The following SBF2 variants were observed in gnomAD, a reference collection of about 807,000 sequenced individuals.
The protein encoded by SBF2 is myotubularin-related protein 13.
SBF2 carries 112 observed loss-of-function variants against 225.2 expected under a neutral mutation model. The observed-to-expected ratio is 0.50, with a 90% CI of 0.43 to 0.58. The LOEUF is 0.58. Among genes scored for constraint, SBF2 ranks in the 20% least tolerant of loss-of-function variants. The pLI, the probability that SBF2 is intolerant of heterozygous loss-of-function variation, is 0.00. For missense variants in SBF2, 1,996 were observed against 2,206.2 expected (o/e 0.90, Z 1.91); for synonymous variants, 763 against 773.3 (o/e 0.99, Z 0.22).
chr11:10,172,012 T>G (rs1956213241), intron 2 of SBF2, among the ~76,000 whole-genome samples: 1 of 152,146 alleles, frequency 6.6e-6, no homozygotes, highest in African/African-American at 2.4e-5. Flanking sequence ...ATCTCTGGTT[T>G]TATTTATTTG....
chr11:10,020,623 C>T (rs1263516992), intron 6 of SBF2, among the ~76,000 whole-genome samples: 1 of 152,130 alleles, frequency 6.6e-6, no homozygotes, highest in Non-Finnish European at 1.5e-5. Context: ...CCTTAGGCCC[C>T]TTGGCTGAAT....
At chr11:9,994,944 G>C (rs1590706646) in intron 9 of SBF2, among the ~76,000 whole-genome samples, 1 of 151,806 alleles carries the variant, frequency 6.6e-6, no homozygotes, top group East Asian at 1.9e-4. Context: ...GTCTGAGGCA[G>C]GAGAATAGCT....
intron 2 of SBF2, among the ~76,000 whole-genome samples, chr11:10,098,720 C>CACAT (rs144970897): frequency 0.014 from 1,988 of 140,346 alleles, 55 homozygotes; most frequent in African/African-American, 0.037. Flanking sequence ...CACACACACA[C>CACAT]GAAATTCTGG....
chr11:9,782,874 GAAAA>G (rs56057774), intron 38 of SBF2, among the ~76,000 whole-genome samples: 1 of 114,812 alleles, frequency 8.7e-6, no homozygotes, highest in South Asian at 2.6e-4. Context: ...TGTCTCAAAA[GAAAA>G]AAAAAAAAAA....
rs1054702810 is a variant in SBF2, at chr11:10,152,929, G to GA, written c.141+40972dup. On this transcript the variant is annotated intron_variant, in intron 2 of 39. Transcript: ENST00000256190. ...AAAATCCGTAATACATTTTCTGGGGGAAAAAAAGCCAATAAAACATGGCTG... is the reference window on the plus strand; with the variant it reads ...AAAATCCGTAATACATTTTCTGGGGGAAAAAAAAGCCAATAAAACATGGCTG... Among the ~76,000 whole-genome samples the GA allele has an allele frequency of 5.9e-5, 9 of 152,224 alleles. No individual in the cohort carries two copies. The South Asian group carries it at 1.9e-3, about 32-fold the overall frequency.
At chr11:9,949,808 G>A (rs1272483959) in intron 16 of SBF2, among the ~76,000 whole-genome samples, 1 of 151,730 alleles carries the variant, frequency 6.6e-6, no homozygotes, top group African/African-American at 2.4e-5. Flanking sequence ...ACTGACAAAA[G>A]ACAAAAACAA....
Position 9,992,119 on chromosome 11 carries a change from T to C in SBF2, c.1296+296A>G, listed in dbSNP as rs182844619. On this transcript the variant is annotated intron_variant, in intron 12 of 39. Transcript: ENST00000256190. ...TTTTCGGTTACATGGATGAATTACA[T>C]AGTGGCGAATTCTGAGATTTTAGTG... is the stretch of plus-strand genomic sequence containing the variant. Among the ~76,000 whole-genome samples, 999 of 152,224 alleles carry C rather than the reference T, an allele frequency of 6.6e-3. 5 individuals are homozygous for C. Among genetic ancestry groups the C allele is most frequent in the Non-Finnish European group, 0.01 (705 of 67,976 alleles).
At chr11:9,829,858 A>G (rs1228282856) in intron 27 of SBF2, among the ~76,000 whole-genome samples, 1 of 152,170 alleles carries the variant, frequency 6.6e-6, no homozygotes, top group Non-Finnish European at 1.5e-5. Context: ...ATGAACAACA[A>G]CGCCTTGATG....
chr11:10,088,662 T>TA (rs1951668488), intron 2 of SBF2, among the ~76,000 whole-genome samples: 1 of 152,108 alleles, frequency 6.6e-6, no homozygotes, highest in East Asian at 1.9e-4. Flanking sequence ...TGCTGGAACT[T>TA]AAAGAGTGAG....
At chr11:9,925,532 T>A (rs1220404971) in intron 16 of SBF2, among the ~76,000 whole-genome samples, 1 of 152,176 alleles carries the variant, frequency 6.6e-6, no homozygotes, top group East Asian at 1.9e-4. Context: ...CACCTGGGCC[T>A]CCCAAAGCGC....
At chr11:10,097,833 G>A (rs190540802) in intron 2 of SBF2, among the ~76,000 whole-genome samples, 2 of 152,232 alleles carry the variant, frequency 1.3e-5, no homozygotes, top group East Asian at 3.9e-4. Context: ...TCTCACAAAG[G>A]AAAGTAAAAG....
intron 1 of SBF2, among the ~76,000 whole-genome samples, chr11:10,197,844 TTTTC>T (rs774161266): frequency 6.6e-6 from 1 of 152,214 alleles, no homozygotes; most frequent in Non-Finnish European, 1.5e-5. Flanking sequence ...CAAGAAACCA[TTTTC>T]TTTGTTTATC....
chr11:9,963,423 T>C (rs7936351), intron 15 of SBF2, among the ~76,000 whole-genome samples: 77,920 of 152,022 alleles, frequency 0.51, 20,477 homozygotes, highest in Admixed American at 0.61. Flanking sequence ...CAAGATCATG[T>C]CACTGTACTC....
intron 2 of SBF2, among the ~76,000 whole-genome samples, chr11:10,174,583 C>T (rs1052474725): frequency 1.2e-4 from 18 of 152,190 alleles, no homozygotes; most frequent in Admixed American, 1.1e-3. Flanking sequence ...TTGGAAAACA[C>T]TCTGCAGGAT....
chr11:10,152,487 T>C (rs1454141455), intron 2 of SBF2, among the ~76,000 whole-genome samples: 1 of 151,592 alleles, frequency 6.6e-6, no homozygotes, highest in East Asian at 1.9e-4. Flanking sequence ...GGGCGGAGGT[T>C]GCAGTGAGCT....
intron 16 of SBF2, among the ~76,000 whole-genome samples, chr11:9,922,211 C>T (rs1046835578): frequency 5.3e-5 from 8 of 151,696 alleles, no homozygotes; most frequent in African/African-American, 1.2e-4. Flanking sequence ...GATCATGACA[C>T]GGTACTCCAG....
rs1248261907 is a variant in SBF2 at position 10,272,209 on chromosome 11, G to T, written c.55+21806C>A. ...TCCTCTCCACGCCAGCCTCCAACTT[G>T]AGCTGCTCTACCAAGAGCTGCAGGG... On this transcript the variant is annotated intron_variant, in intron 1 of 39. Transcript: ENST00000256190. The T allele has an allele frequency of 3.8e-6, 4 of 1,066,652 alleles. 2 individuals are homozygous for T. Among genetic ancestry groups the T allele is most frequent in the Admixed American group, 5.6e-5 (2 of 36,004 alleles). The allele number at this position is 1,066,652 out of a possible 1,614,324, so 66.1% of individuals were successfully genotyped here.
chr11:10,218,363 C>A (rs1322282442), intron 1 of SBF2, among the ~76,000 whole-genome samples: 1 of 141,580 alleles, frequency 7.1e-6, no homozygotes, highest in Non-Finnish European at 1.5e-5. Context: ...CCACCAGATC[C>A]CTCCCATGAC....
intron 1 of SBF2, among the ~76,000 whole-genome samples, chr11:10,209,266 T>C (rs1194578373): frequency 6.6e-6 from 1 of 151,198 alleles, no homozygotes; most frequent in Non-Finnish European, 1.5e-5. Flanking sequence ...AAATACAGTT[T>C]AAACATGTCC....
Sources: gnomAD v4.1 joint callset for allele counts (sites outside exome capture counted in the v4.1 genomes callset) on GRCh38, gnomAD v4.1.1 for gene constraint, MANE v1.5 for transcripts, NCBI Gene and HGNC (gene_info 2026-07-23, HGNC 2026-07-21) for gene names.